Variants in BIRC6 observed in about 807,000 individuals in gnomAD.
The protein encoded by BIRC6 is baculoviral IAP repeat containing 6, also known as dual E2 ubiquitin-conjugating enzyme/E3 ubiquitin-protein ligase BIRC6.
In BIRC6, 98 loss-of-function variants were observed where a neutral mutation model predicts 503.3. That is an observed-to-expected ratio of 0.19 (90% CI 0.17 to 0.23). The LOEUF (loss-of-function observed/expected upper bound fraction) is 0.23. BIRC6 is among the 10% of genes least tolerant of loss of function. The probability of loss-of-function intolerance (pLI) is 1.00; values close to 1 mark genes in which losing one functional copy is unlikely to be tolerated. For missense variants in BIRC6, 5,360 were observed against 5,806.0 expected, an observed-to-expected ratio of 0.92 and a Z score of 2.50; for synonymous variants, 2,240 against 2,078.7, an observed-to-expected ratio of 1.08 and a Z score of -2.11.
intron 71 of BIRC6, among the ~76,000 whole-genome samples, chr2:32,604,971 G>A (rs913969929): frequency 2.7e-5 from 4 of 148,072 alleles, no homozygotes; most frequent in Admixed American, 1.4e-4. Flanking sequence ...CAACCTCTGC[G>A]TCTCGGGTTC....
At chr2:32,425,385 A>C (rs1343299043) in intron 10 of BIRC6, among the ~76,000 whole-genome samples, 1 of 149,198 alleles carries the variant, frequency 6.7e-6, no homozygotes, top group Non-Finnish European at 1.5e-5. Context: ...AACGTTTTTG[A>C]CTAATAATTC....
chr2:32,494,031 TAAAAG>T (rs540539204), intron 45 of BIRC6, among the ~76,000 whole-genome samples: 118 of 152,270 alleles, frequency 7.7e-4, no homozygotes, highest in African/African-American at 2.7e-3. Flanking sequence ...ATAGAGCTTA[TAAAAG>T]AAAATTGTAT....
At chr2:32,369,237 G>T (rs1244909356) in intron 1 of BIRC6, among the ~76,000 whole-genome samples, 1 of 152,176 alleles carries the variant, frequency 6.6e-6, no homozygotes, top group Non-Finnish European at 1.5e-5. Flanking sequence ...TCTATAAGGA[G>T]TGATGAAGAT....
intron 23 of BIRC6, among the ~76,000 whole-genome samples, chr2:32,460,416 A>G (rs1193724600): frequency 6.7e-6 from 1 of 149,408 alleles, no homozygotes; most frequent in Non-Finnish European, 1.5e-5. Context: ...ACCTGGGATT[A>G]CAGGTGCCCA....
rs2053994506 is a variant in BIRC6 at position 32,508,188 on chromosome 2, T to A, written c.9909T>A (p.Ala3303=). ...LSQIKLLGLT[A]FGTTSSATVN... is the part of the protein sequence containing the mutation. ...AAATTAAATTATTGGGGCTCACTGC[T>A]TTTGGTACCACCTCTTCTGCAACAG... Residue 3303 remains alanine, a synonymous_variant, in exon 51 of 74, where the codon GCT becomes GCA. Transcript: ENST00000421745. 1 of 1,613,528 alleles carries A rather than the reference T, an allele frequency of 6.2e-7. No homozygotes were observed. Among genetic ancestry groups the A allele is most frequent in the African/African-American group, 1.3e-5 (1 of 74,824 alleles).
At chr2:32,499,118 A>G (rs1182507465) in intron 45 of BIRC6, among the ~76,000 whole-genome samples, 2 of 152,266 alleles carry the variant, frequency 1.3e-5, no homozygotes, top group Non-Finnish European at 2.9e-5. Flanking sequence ...CAATTTTGAT[A>G]CTTGAGAATG....
At chr2:32,520,506 G>T (rs1390852278) in intron 57 of BIRC6, among the ~76,000 whole-genome samples, 2 of 152,026 alleles carry the variant, frequency 1.3e-5, no homozygotes, top group African/African-American at 4.8e-5. Flanking sequence ...ACATGATGAA[G>T]AAAAATGAAA....
intron 1 of BIRC6, among the ~76,000 whole-genome samples, chr2:32,369,083 A>G (rs2035399397): frequency 6.6e-6 from 1 of 152,206 alleles, no homozygotes; most frequent in Non-Finnish European, 1.5e-5. Flanking sequence ...GTGGTGTTTG[A>G]GTAAAGATCT....
At chr2:32,395,273 G>A (rs1484804535) in intron 5 of BIRC6, among the ~76,000 whole-genome samples, 2 of 152,178 alleles carry the variant, frequency 1.3e-5, no homozygotes, top group South Asian at 4.2e-4. Flanking sequence ...ATCAGGGATT[G>A]CATATATGTG....
At chr2:32,498,867 A>G (rs1349296580) in intron 45 of BIRC6, among the ~76,000 whole-genome samples, 2 of 152,154 alleles carry the variant, frequency 1.3e-5, no homozygotes, top group Non-Finnish European at 2.9e-5. Flanking sequence ...GTCACATGCC[A>G]TCATGCCTGG....
intron 45 of BIRC6, among the ~76,000 whole-genome samples, chr2:32,496,768 T>C (rs576415187): frequency 2.2e-4 from 34 of 152,318 alleles, no homozygotes; most frequent in Middle Eastern, 3.4e-3. Flanking sequence ...CATCATTCTG[T>C]AGATCAGTTT....
At chr2:32,591,414 A>G (rs896210930) in intron 66 of BIRC6, among the ~76,000 whole-genome samples, 2 of 152,192 alleles carry the variant, frequency 1.3e-5, no homozygotes, top group African/African-American at 4.8e-5. Flanking sequence ...TATTTTAATA[A>G]TCTCTTACTA....
At chr2:32,610,542 C>G (rs924489554) in intron 72 of BIRC6, among the ~76,000 whole-genome samples, 1 of 152,168 alleles carries the variant, frequency 6.6e-6, no homozygotes, top group Non-Finnish European at 1.5e-5. Context: ...TTAGAATATA[C>G]TTATCTAGGT....
chr2:32,476,153 A>G, intron 33 of BIRC6, 60 bp from the exon 34 acceptor site: 2 of 1,300,550 alleles, frequency 1.5e-6, no homozygotes, highest in Non-Finnish European at 2.1e-6. Flanking sequence ...TGTGAGGAGT[A>G]TAATAATTTT....
intron 19 of BIRC6, 135 bp from the exon 20 acceptor site, chr2:32,443,356 A>T: frequency 5.1e-6 from 3 of 591,824 alleles, no homozygotes; most frequent in Non-Finnish European, 8.7e-6. Context: ...GGTATTTTAT[A>T]TAGCTTTAAG....
At chr2:32,441,940 AT>A (rs1228734408) in intron 17 of BIRC6, 124 bp from the exon 18 acceptor site, 2 of 677,242 alleles carry the variant, frequency 3.0e-6, no homozygotes, top group African/African-American at 3.6e-5. Context: ...ATAGCTATTG[AT>A]TGTTTTTAAA....
intron 21 of BIRC6, 21 bp from the exon 22 acceptor site, chr2:32,448,774 G>T: frequency 6.3e-7 from 1 of 1,585,928 alleles, no homozygotes; most frequent in Middle Eastern, 1.8e-4. Context: ...AAAATTGTTA[G>T]TGCATTATTT....
rs777844003 is a variant in BIRC6, at chr2:32,469,535, A to G, written c.6268A>G (p.Arg2090Gly). The G allele has an allele frequency of 1.9e-6, 3 of 1,613,914 alleles. No individual in the cohort carries two copies. Among genetic ancestry groups the G allele is most frequent in the Admixed American group, 3.3e-5 (2 of 60,010 alleles). ...LLLVQLCGGERWWGQFLSNVL... is the reference protein window; with the variant it reads ...LLLVQLCGGEGWWGQFLSNVL... ...TCTTGTTCAACTGTGTGGTGGTGAA[A>G]GGTGGTGGGGTCAATTTCTTTCTAA... The change falls in exon 30 of 74, where the codon AGG (arginine) becomes GGG (glycine). Residue 2090 changes from arginine (R) to glycine (G), a missense_variant. Around this residue, in one of 16 missense-constraint regions of BIRC6, gnomAD observed 2,299 missense variants for 2,267.2 expected, o/e 1.01. Transcript: ENST00000421745.
rs575313669 is a variant in BIRC6, at chr2:32,392,181, T to TGAGAA, written c.951+31_951+32insGAGAA. On this transcript the variant is annotated intron_variant, in intron 5 of 73. Transcript: ENST00000421745. ...AAAAGAATATAAAAAAATACTTTTCTCAGTAGGCCTTTGTAGCCCTCAGCA... is the reference window on the plus strand; with the variant it reads ...AAAAGAATATAAAAAAATACTTTTCTGAGAACAGTAGGCCTTTGTAGCCCTCAGCA... 1,255 of 1,440,090 alleles carry TGAGAA rather than the reference T, an allele frequency of 8.7e-4. 15 individuals are homozygous for TGAGAA. The South Asian group carries it at 0.015, about 17-fold the overall frequency. The allele number at this position is 1,440,090 out of a possible 1,614,324, so 89.2% of individuals were successfully genotyped here.
Sources: gnomAD v4.1 joint callset for allele counts (sites outside exome capture counted in the v4.1 genomes callset) on GRCh38, gnomAD v4.1.1 for gene constraint, gnomAD v4.1.1 regional missense constraint, MANE v1.5 for transcripts, NCBI Gene and HGNC (gene_info 2026-07-23, HGNC 2026-07-21) for gene names.